TBL1XR1: variants seen among roughly 807,000 people sequenced by gnomAD.
The protein encoded by TBL1XR1 is TBL1X/Y related 1.
In TBL1XR1, 5 loss-of-function variants were observed where a neutral mutation model predicts 66.9. That is an observed-to-expected ratio of 0.07 (90% CI 0.04 to 0.16). The LOEUF (loss-of-function observed/expected upper bound fraction) is 0.16, where lower values mean the gene tolerates loss of function less well. Ranked by LOEUF, TBL1XR1 falls within the 10% of genes least tolerant of loss-of-function variation. The pLI, the probability that TBL1XR1 is intolerant of heterozygous loss-of-function variation, is 1.00. For missense variants in TBL1XR1, 238 were observed against 623.2 expected (o/e 0.38, Z 6.58); for synonymous variants, 210 against 206.0 (o/e 1.02, Z -0.17).
intron 1 of TBL1XR1, among the ~76,000 whole-genome samples, chr3:177,129,921 G>C (rs921620032): frequency 6.6e-6 from 1 of 152,114 alleles, no homozygotes; most frequent in African/African-American, 2.4e-5. Context: ...GAGGCAGGCA[G>C]ATCACCTGAG....
intron 2 of TBL1XR1, among the ~76,000 whole-genome samples, chr3:177,090,673 T>C (rs910022667): frequency 1.3e-5 from 2 of 152,102 alleles, no homozygotes; most frequent in African/African-American, 4.8e-5. Context: ...TAGCTGGGCA[T>C]GGTGGCACGC....
rs548545654 is a variant in TBL1XR1, at chr3:177,089,548, T to C, written c.-46+8918A>G. Among the ~76,000 whole-genome samples the C allele has an allele frequency of 5.9e-5, 9 of 152,334 alleles. No individual in the cohort carries two copies. The South Asian group carries it at 1.7e-3, about 28-fold the overall frequency. On this transcript the variant is annotated intron_variant, in intron 2 of 15. Coordinates refer to ENST00000457928, the MANE Select transcript of TBL1XR1 (RefSeq NM_024665.7). ...GTCGGTATCAGCCTCCTTTTCCCTT[T>C]CTGGCTTCTCCACAGGAACTTTCTA...
chr3:177,160,585 ATT>A (rs1732072019), intron 1 of TBL1XR1, among the ~76,000 whole-genome samples: 1 of 152,058 alleles, frequency 6.6e-6, no homozygotes, highest in Non-Finnish European at 1.5e-5. Flanking sequence ...TCCAGGATAT[ATT>A]ACTTGCACTG....
intron 14 of TBL1XR1, 96 bp downstream of exon 14, chr3:177,032,874 CA>C (rs1181943184): frequency 9.8e-7 from 1 of 1,017,194 alleles, no homozygotes; most frequent in Non-Finnish European, 1.3e-6. Context: ...ATTAATGCCA[CA>C]AGAGGAATGA....
chr3:177,192,296 C>G (rs758809862), intron 1 of TBL1XR1, among the ~76,000 whole-genome samples: 9 of 151,244 alleles, frequency 6.0e-5, no homozygotes, highest in Admixed American at 2.6e-4. Context: ...GCAGGAGAAT[C>G]GCTTGAACCC....
At chr3:177,043,455 A>C (rs1340521217) in intron 10 of TBL1XR1, among the ~76,000 whole-genome samples, 1 of 152,138 alleles carries the variant, frequency 6.6e-6, no homozygotes, top group African/African-American at 2.4e-5. Context: ...AGTTTGTCTT[A>C]TATTAATGTA....
chr3:177,186,962 C>G (rs1482400900), intron 1 of TBL1XR1, among the ~76,000 whole-genome samples: 1 of 151,882 alleles, frequency 6.6e-6, no homozygotes, highest in Non-Finnish European at 1.5e-5. Context: ...GTCAGGAGAT[C>G]GAGACCATCC....
intron 2 of TBL1XR1, among the ~76,000 whole-genome samples, chr3:177,082,901 GACC>G (rs1410052963): frequency 2.0e-5 from 3 of 150,440 alleles, no homozygotes; most frequent in East Asian, 1.9e-4. Context: ...GACTACAGGC[GACC>G]ACCACCACAT....
chr3:177,033,994 G>A (rs1054376835), intron 13 of TBL1XR1, among the ~76,000 whole-genome samples: 1 of 151,646 alleles, frequency 6.6e-6, no homozygotes, highest in Non-Finnish European at 1.5e-5. Flanking sequence ...ACACTACACT[G>A]CTTGCAAAAC....
intron 13 of TBL1XR1, among the ~76,000 whole-genome samples, chr3:177,033,893 T>TAA (rs1480554301): frequency 1.3e-5 from 2 of 152,014 alleles, no homozygotes; most frequent in Non-Finnish European, 2.9e-5. Flanking sequence ...CACAAAGGTA[T>TAA]AAGAATGATA....
At chr3:177,039,228 C>T (rs773721529) in intron 10 of TBL1XR1, among the ~76,000 whole-genome samples, 12 of 152,064 alleles carry the variant, frequency 7.9e-5, no homozygotes, top group Non-Finnish European at 1.8e-4. Context: ...ATAAAAAATG[C>T]AACACAATCC....
At chr3:177,197,635 C>G (rs2109031943), upstream of TBL1XR1, among the ~76,000 whole-genome samples, 1 of 85,304 alleles carries the variant, frequency 1.2e-5, no homozygotes, top group Admixed American at 1.4e-4. Context: ...GGCGGGCGAG[C>G]GGGCGGGCGG....
intron 3 of TBL1XR1, among the ~76,000 whole-genome samples, chr3:177,057,534 G>GA (rs1370570807): frequency 6.6e-6 from 1 of 152,146 alleles, no homozygotes; most frequent in African/African-American, 2.4e-5. Flanking sequence ...TGTGACTCCA[G>GA]AAAAAGCATA....
chr3:177,025,609 A>G, intron 15 of TBL1XR1, 85 bp from the exon 16 acceptor site: 1 of 1,322,724 alleles, frequency 7.6e-7, no homozygotes. Flanking sequence ...ACAATTTGAA[A>G]TGTTTCTTAG....
chr3:177,070,969 G>T (rs1170742050), intron 2 of TBL1XR1, among the ~76,000 whole-genome samples: 1 of 150,946 alleles, frequency 6.6e-6, no homozygotes, highest in African/African-American at 2.4e-5. Context: ...AAGCTAATGA[G>T]ACTTTATCAA....
chr3:177,035,184 C>T (rs149685723), intron 12 of TBL1XR1, among the ~76,000 whole-genome samples: 23 of 152,252 alleles, frequency 1.5e-4, no homozygotes, highest in African/African-American at 5.5e-4. Context: ...TTTCATTAGA[C>T]CTTTCTAATT....
intron 1 of TBL1XR1, among the ~76,000 whole-genome samples, chr3:177,149,447 T>C (rs1577315659): frequency 6.6e-6 from 1 of 152,230 alleles, no homozygotes; most frequent in Non-Finnish European, 1.5e-5. Context: ...TATTTTATAA[T>C]ACTTATTCTC....
At chr3:177,078,971 G>A (rs1366179465) in intron 2 of TBL1XR1, among the ~76,000 whole-genome samples, 1 of 151,758 alleles carries the variant, frequency 6.6e-6, no homozygotes, top group East Asian at 1.9e-4. Flanking sequence ...AAACTGCTAG[G>A]GACTTCTCAA....
chr3:177,116,800 C>T (rs776349277), intron 1 of TBL1XR1, among the ~76,000 whole-genome samples: 3 of 152,084 alleles, frequency 2.0e-5, no homozygotes, highest in Admixed American at 6.5e-5. Context: ...TTATCAAGCA[C>T]GTAATAGTAC....
Sources: allele counts gnomAD v4.1 joint callset (sites outside exome capture counted in the v4.1 genomes callset), GRCh38; gene constraint gnomAD v4.1.1; transcripts MANE v1.5; gene names NCBI Gene and HGNC (gene_info 2026-07-23, HGNC 2026-07-21).